Variants in FOXO3 observed in about 807,000 individuals in gnomAD.
FOXO3 encodes the protein forkhead box O3.
A neutral mutation model predicts 41.9 loss-of-function variants in FOXO3; 4 were observed. The observed-to-expected ratio is 0.10, with a 90% CI of 0.05 to 0.22. FOXO3 has a LOEUF of 0.22. Ranked by LOEUF, FOXO3 falls within the 10% of genes least tolerant of loss-of-function variation. The pLI is 1.00. For synonymous variants in FOXO3, 318 were observed against 389.3 expected, an observed-to-expected ratio of 0.82 and a Z score of 2.16; for missense variants, 534 against 906.8, an observed-to-expected ratio of 0.59 and a Z score of 5.28.
intron 1 of FOXO3, chr6:108,656,278 C>T (rs1200406102): frequency 1.1e-5 from 7 of 640,136 alleles, no homozygotes; most frequent in Non-Finnish European, 1.4e-5. Context: ...TAAATTGATA[C>T]CACATGTTGC....
rs751712956 is a variant in FOXO3, at chr6:108,663,571, C to T, written c.738C>T (p.Ala246=). Residue 246 remains alanine, a synonymous_variant, in exon 2 of 3, where the codon GCC becomes GCT. Coordinates refer to ENST00000406360, the MANE Select transcript of FOXO3 (RefSeq NM_001455.4). ...INPDGGKSGK[A]PRRRAVSMDN... is the part of the protein sequence containing the mutation. ...CTGATGGGGGGAAGAGCGGAAAAGC[C>T]CCCCGGCGGCGGGCTGTCTCCATGG... is the stretch of plus-strand genomic sequence containing the variant. 7 of 1,613,602 alleles carry T rather than the reference C, an allele frequency of 4.3e-6. No homozygotes were observed. The highest frequency in any genetic ancestry group is 1.1e-5 in the South Asian group (1 of 91,072).
chr6:108,677,747 T>G (rs148491879), intron 2 of FOXO3, among the ~76,000 whole-genome samples: 71 of 152,258 alleles, frequency 4.7e-4, no homozygotes, highest in African/African-American at 1.7e-3. Flanking sequence ...TGTGAAACGC[T>G]ATCTAATCAT....
intron 1 of FOXO3, among the ~76,000 whole-genome samples, chr6:108,662,558 T>A (rs1778900660): frequency 6.6e-6 from 1 of 152,216 alleles, no homozygotes; most frequent in Non-Finnish European, 1.5e-5. Flanking sequence ...AGTTACATGG[T>A]AAGGTGTAAA....
At chr6:108,660,005 C>T (rs1185316461) in intron 1 of FOXO3, among the ~76,000 whole-genome samples, 1 of 152,170 alleles carries the variant, frequency 6.6e-6, no homozygotes, top group Non-Finnish European at 1.5e-5. Flanking sequence ...TAGCTGAATA[C>T]TTGACTGGTC....
At chr6:108,579,290 G>C (rs924446267) in intron 1 of FOXO3, among the ~76,000 whole-genome samples, 1 of 152,066 alleles carries the variant, frequency 6.6e-6, no homozygotes, top group African/African-American at 2.4e-5. Flanking sequence ...TTGGGGGAGT[G>C]GGTAGGGCAG....
At chr6:108,662,795 A>G (rs983473620) in intron 1 of FOXO3, among the ~76,000 whole-genome samples, 2 of 152,178 alleles carry the variant, frequency 1.3e-5, no homozygotes, top group African/African-American at 2.4e-5. Context: ...GTAAATTCCA[A>G]GTGTGAACTT....
intron 2 of FOXO3, among the ~76,000 whole-genome samples, chr6:108,673,024 A>T (rs1779261241): frequency 6.6e-6 from 1 of 152,212 alleles, no homozygotes; most frequent in South Asian, 2.1e-4. Context: ...CACTGTAATT[A>T]ATTGGGGCTT....
chr6:108,599,086 A>G (rs1776973581), intron 1 of FOXO3, among the ~76,000 whole-genome samples: 1 of 152,222 alleles, frequency 6.6e-6, no homozygotes, highest in Non-Finnish European at 1.5e-5. Flanking sequence ...TTCCTAGACC[A>G]GAGTAACTTT....
chr6:108,561,901 C>G lies in FOXO3; in HGVS notation c.621+72C>G, dbSNP rs1055768371. Reference sequence around the variant, plus strand: ...CGCAGCGCGAGACGCGTCTCGGATTCGTCGGAGTGCGCTTGCGGGCTCCAG... The same window carrying G: ...CGCAGCGCGAGACGCGTCTCGGATTGGTCGGAGTGCGCTTGCGGGCTCCAG... On this transcript the variant is annotated intron_variant, in intron 1 of 2. Coordinates refer to ENST00000406360, the MANE Select transcript of FOXO3 (RefSeq NM_001455.4). 4 of 1,472,948 alleles carry G rather than the reference C, an allele frequency of 2.7e-6. No homozygotes were observed. The African/African-American group carries it at 5.9e-5, about 22-fold the overall frequency. 91.2% of individuals were successfully genotyped at this position (1,472,948 alleles called of 1,614,324 possible). A position where few individuals can be genotyped will look rare whatever the true frequency, so the allele number is the denominator to read the frequency against.
chr6:108,674,448 A>T (rs1392487903), intron 2 of FOXO3, among the ~76,000 whole-genome samples: 1 of 152,220 alleles, frequency 6.6e-6, no homozygotes, highest in Non-Finnish European at 1.5e-5. Context: ...TTAAAGTAGT[A>T]GGTGCTCCAT....
intron 1 of FOXO3, among the ~76,000 whole-genome samples, chr6:108,608,650 C>T (rs1230637533): frequency 2.6e-5 from 4 of 152,182 alleles, no homozygotes; most frequent in African/African-American, 9.7e-5. Flanking sequence ...CATTTAGGAT[C>T]CTGTTTAGCT....
At chr6:108,644,328 T>C (rs1778337913) in intron 1 of FOXO3, among the ~76,000 whole-genome samples, 1 of 152,234 alleles carries the variant, frequency 6.6e-6, no homozygotes. Context: ...TAGTACCTCA[T>C]ATGCACTTAA....
chr6:108,593,712 C>CTTTTTTTTTTT (rs34228633), intron 1 of FOXO3, among the ~76,000 whole-genome samples: 86 of 83,326 alleles, frequency 1.0e-3, no homozygotes, highest in African/African-American at 1.1e-3. Context: ...TTTTCTTCTT[C>CTTTTTTTTTTT]TTTTTTTTTT....
At chr6:108,572,639 G>A (rs1203575123) in intron 1 of FOXO3, among the ~76,000 whole-genome samples, 1 of 152,082 alleles carries the variant, frequency 6.6e-6, no homozygotes, top group Non-Finnish European at 1.5e-5. Context: ...ATATTTTTGG[G>A]GAGGGGTGTC....
chr6:108,597,051 G>A lies in FOXO3; in HGVS notation c.621+35222G>A, dbSNP rs142033783. On this transcript the variant is annotated intron_variant, in intron 1 of 2. Transcript: ENST00000406360. ...TAAGCAGAGAAAATCCCAAAGGACT[G>A]GAGAGAAAATTTACTCTGGAGATGG... 5.9e-3 allele frequency among the ~76,000 whole-genome samples: 905 copies of A among 152,314 alleles called. 3 individuals are homozygous for A. Among genetic ancestry groups the A allele is most frequent in the Middle Eastern group, 0.014 (4 of 294 alleles).
chr6:108,613,404 AT>A lies in FOXO3; in HGVS notation c.622-50048del, dbSNP rs752442362. On this transcript the variant is annotated intron_variant, in intron 1 of 2. Transcript: ENST00000406360. The stretch of plus-strand genomic sequence containing the variant: ...AAATGTTTAACTGCTAATTCAATTT[AT>A]TTCATAGATACAATGCTGTTGGCTT... 4.6e-5 allele frequency among the ~76,000 whole-genome samples: 7 copies of A among 152,298 alleles called. No homozygotes were observed. The East Asian group carries it at 1.2e-3, about 25-fold the overall frequency.
chr6:108,649,273 C>A (rs1025840210), intron 1 of FOXO3, among the ~76,000 whole-genome samples: 1 of 152,064 alleles, frequency 6.6e-6, no homozygotes, highest in African/African-American at 2.4e-5. Flanking sequence ...TTGTAATAGG[C>A]AGTAAGTATG....
intron 1 of FOXO3, among the ~76,000 whole-genome samples, chr6:108,604,928 T>G (rs940393702): frequency 2.4e-4 from 37 of 152,282 alleles, no homozygotes; most frequent in Non-Finnish European, 4.9e-4. Flanking sequence ...GAAAAAGGTA[T>G]TTGAAGTCAA....
Position 108,682,278 on chromosome 6 carries a change from C to A in FOXO3, c.*2486C>A, listed in dbSNP as rs1441254701. ...AATGTCTTACAGAATGTCCTAGAAC[C>A]AGATTATCATTTAATCTGAAACAGC... is the stretch of plus-strand genomic sequence containing the variant. On this transcript the variant is annotated 3_prime_UTR_variant, in exon 3 of 3. Transcript: ENST00000406360. 2.6e-5 allele frequency: 4 copies of A among 152,620 alleles called. No individual in the cohort carries two copies. The highest frequency in any genetic ancestry group is 7.2e-5 in the African/African-American group (3 of 41,428). The allele number at this position is 152,620 out of a possible 1,614,324, so 9.5% of individuals were successfully genotyped here. A position where few individuals can be genotyped will look rare whatever the true frequency, so the allele number is the denominator to read the frequency against.
Sources: gnomAD v4.1 joint callset for allele counts (sites outside exome capture counted in the v4.1 genomes callset) on GRCh38, gnomAD v4.1.1 for gene constraint, MANE v1.5 for transcripts, NCBI Gene and HGNC (gene_info 2026-07-23, HGNC 2026-07-21) for gene names.